Variants in BDP1 observed in about 807,000 individuals in gnomAD.
BDP1 encodes the protein transcription factor TFIIIB component B'' homolog.
In BDP1, 169 loss-of-function variants were observed where a neutral mutation model predicts 266.6. That is an observed-to-expected ratio of 0.63 (90% confidence interval 0.56 to 0.72). BDP1 has a LOEUF of 0.72. Among genes scored for constraint, BDP1 ranks in the 30% least tolerant of loss-of-function variants. The pLI, the probability that BDP1 is intolerant of heterozygous loss-of-function variation, is 0.00. For synonymous variants in BDP1, 1,090 were observed against 1,022.4 expected, an observed-to-expected ratio of 1.07 and a Z score of -1.26; for missense variants, 3,015 against 3,053.8, an observed-to-expected ratio of 0.99 and a Z score of 0.30.
rs1174729194 is a variant in BDP1 at position 71,497,279 on chromosome 5, T to A, written c.1809T>A (p.Asp603Glu). The A allele has an allele frequency of 6.2e-6, 10 of 1,611,834 alleles. No homozygotes were observed. Among genetic ancestry groups the A allele is most frequent in the Middle Eastern group, 1.7e-4 (1 of 6,046 alleles). ...VDLKNNSLEI[D>E]QTENVKPMLR... is the part of the protein sequence containing the mutation. ...AATGTTAATTTTTCAGGGAAATTGA[T>A]CAAACAGAAAATGTTAAACCAATGT... The change falls in exon 13 of 39, where the codon GAT becomes GAA. Residue 603 changes from aspartate (D) to glutamate (E), a missense_variant. By Grantham distance (45) the Asp-to-Glu change is conservative. Transcript: ENST00000358731.
At chr5:71,527,820 C>CTTT (rs375443211) in intron 25 of BDP1, among the ~76,000 whole-genome samples, 3 of 140,060 alleles carry the variant, frequency 2.1e-5, no homozygotes, top group East Asian at 2.1e-4. Context: ...TCTTTTAATT[C>CTTT]TTTTTTTTTT....
chr5:71,493,542 T>G (rs774096154), intron 11 of BDP1, among the ~76,000 whole-genome samples: 8 of 152,174 alleles, frequency 5.3e-5, no homozygotes, highest in Admixed American at 1.3e-4. Context: ...TTTTCTAATT[T>G]AGGGGAAAAA....
chr5:71,496,197 A>C (rs939090072), intron 12 of BDP1, among the ~76,000 whole-genome samples: 8 of 148,972 alleles, frequency 5.4e-5, no homozygotes, highest in Admixed American at 6.8e-5. Context: ...AGCTGAGATC[A>C]TGCCACTGCA....
chr5:71,495,921 C>A (rs1453457712), intron 12 of BDP1, among the ~76,000 whole-genome samples: 1 of 150,138 alleles, frequency 6.7e-6, no homozygotes, highest in African/African-American at 2.4e-5. Context: ...CCTTGTAATT[C>A]CTCATCTCAT....
intron 31 of BDP1, 21 bp downstream of exon 31, chr5:71,544,528 TG>T: frequency 6.3e-7 from 1 of 1,598,558 alleles, no homozygotes; most frequent in Non-Finnish European, 8.5e-7. Context: ...GAAGAGGTTC[TG>T]AGATTCAGTT....
chr5:71,479,998 A>G (rs533474878), intron 7 of BDP1, among the ~76,000 whole-genome samples: 1 of 148,486 alleles, frequency 6.7e-6, no homozygotes, highest in African/African-American at 2.5e-5. Flanking sequence ...AGTCTAGAGT[A>G]TAGTGGCGTG....
In BDP1 at chr5:71,517,405, G is replaced by A; in HGVS notation, c.4944G>A (p.Val1648=). 2 of 1,604,062 alleles carry A rather than the reference G, an allele frequency of 1.2e-6. No individual in the cohort carries two copies. Among genetic ancestry groups the A allele is most frequent in the Admixed American group, 1.7e-5 (1 of 57,194 alleles). The stretch of plus-strand genomic sequence containing the variant: ...GAATGTATGAAAATCAAAGTCAGGT[G>A]GTTCTTGTAGAAAACCTTCATGTTA... The part of the protein sequence containing the change: ...EHRMYENQSQ[V]VLVENLHVNK... Residue 1648 remains valine, a synonymous_variant, in exon 22 of 39, where the codon GTG becomes GTA. Transcript: ENST00000358731.
chr5:71,510,333 A>G lies in BDP1; in HGVS notation c.3241A>G (p.Ile1081Val), dbSNP rs1422156790. The change falls in exon 17 of 39, where the codon ATT becomes GTT. Residue 1081 changes from isoleucine (I) to valine (V), a missense_variant. Ile to Val is a conservative substitution (Grantham distance 29, BLOSUM62 3). Around this residue, in one of 3 missense-constraint regions of BDP1, gnomAD observed 2,383 missense variants for 2,404.9 expected, o/e 0.99. Transcript: ENST00000358731. ...CCCAAGGGGGAAGACACCAGAGGTG[A>G]TTGATGCCATTGAGGAAATAGAGAT... ...SFPRGKTPEV[I>V]DAIEEIEIDL... The G allele has an allele frequency of 6.2e-7, 1 of 1,613,908 alleles. No homozygotes were observed. The highest frequency in any genetic ancestry group is 1.7e-5 in the Admixed American group (1 of 59,982).
chr5:71,483,301 C>A (rs1362688483), intron 7 of BDP1, among the ~76,000 whole-genome samples: 1 of 152,052 alleles, frequency 6.6e-6, no homozygotes, highest in Non-Finnish European at 1.5e-5. Flanking sequence ...TAAACATCTC[C>A]CTCTTAATGG....
Position 71,516,063 on chromosome 5 carries a change from CTAA to C in BDP1, c.4657_4659del (p.Asn1553del). 1 of 1,600,080 alleles carries C rather than the reference CTAA, an allele frequency of 6.2e-7. No individual in the cohort carries two copies. On this transcript the variant is annotated inframe_deletion, in exon 21 of 39. Transcript: ENST00000358731. ...TTTCTCCCTGTCCCCTTGTTTAGGA[CTAA>C]TAATGTAAACACTTTCCAGCAAGAA...
chr5:71,549,671 T>C, intron 34 of BDP1, 65 bp downstream of exon 34: 1 of 1,317,386 alleles, frequency 7.6e-7, no homozygotes, highest in Non-Finnish European at 1.0e-6. Flanking sequence ...GTAGCATTGA[T>C]TGAACAAACC....
At chr5:71,526,691 T>G (rs1765908884) in intron 25 of BDP1, among the ~76,000 whole-genome samples, 2 of 150,134 alleles carry the variant, frequency 1.3e-5, no homozygotes, top group African/African-American at 4.9e-5. Context: ...CTCTGTTTTT[T>G]TTTTTTTTTT....
the BDP1 span, among the ~76,000 whole-genome samples, chr5:71,572,951 A>G: frequency 2.0e-5 from 3 of 152,196 alleles, no homozygotes; most frequent in South Asian, 6.2e-4. Context: ...AAACAGGGCC[A>G]GGCATGGTGG....
At chr5:71,493,624 A>G (rs1021398746) in intron 11 of BDP1, among the ~76,000 whole-genome samples, 1 of 152,226 alleles carries the variant, frequency 6.6e-6, no homozygotes, top group Non-Finnish European at 1.5e-5. Flanking sequence ...ATTGTCATGT[A>G]CACAAGAACA....
At chr5:71,458,977 A>C in intron 2 of BDP1, 122 bp downstream of exon 2, 5 of 851,422 alleles carry the variant, frequency 5.9e-6, no homozygotes, top group Non-Finnish European at 8.9e-6. Context: ...TCCCTTAGTC[A>C]ATAGAACATC....
intron 7 of BDP1, among the ~76,000 whole-genome samples, chr5:71,477,286 C>CG (rs2150380489): frequency 6.6e-6 from 1 of 151,714 alleles, no homozygotes; most frequent in African/African-American, 2.4e-5. Flanking sequence ...GCCTCCTGGA[C>CG]CACAGGTGTG....
chr5:71,553,589 A>G (rs952437416), intron 35 of BDP1, among the ~76,000 whole-genome samples: 6 of 152,318 alleles, frequency 3.9e-5, no homozygotes, highest in Admixed American at 3.3e-4. Context: ...AAAGCATTAT[A>G]TATGTCTGGA....
rs1456375091 is a variant in BDP1 at position 71,560,046 on chromosome 5, T to C, written c.7305T>C (p.Pro2435=). ...GAAGCACACTGACAACTCCAGAACC[T>C]CAAAGACAGCAAGTTGAAGCAGCTT... The part of the protein sequence containing the change: ...TSGSTLTTPE[P]QRQQVEAAFQ... Residue 2435 remains proline, a synonymous_variant, in exon 37 of 39, where the codon CCT becomes CCC. Coordinates refer to ENST00000358731, the MANE Select transcript of BDP1 (RefSeq NM_018429.3). 6.2e-7 allele frequency: 1 copy of C among 1,613,980 alleles called. No individual in the cohort carries two copies. Among genetic ancestry groups the C allele is most frequent in the East Asian group, 2.2e-5 (1 of 44,874 alleles).
At chr5:71,513,038 G>GGGGGAT in intron 18 of BDP1, 147 bp from the exon 19 acceptor site, 1 of 569,168 alleles carries the variant, frequency 1.8e-6, no homozygotes, top group Non-Finnish European at 3.0e-6. Flanking sequence ...ACTCCAGCCT[G>GGGGGAT]GGGGATAGAA....
Sources: allele counts gnomAD v4.1 joint callset (sites outside exome capture counted in the v4.1 genomes callset), GRCh38; gene constraint gnomAD v4.1.1; regional missense constraint gnomAD v4.1.1; transcripts MANE v1.5; gene names NCBI Gene and HGNC (gene_info 2026-07-23, HGNC 2026-07-21).